Variants in SLC25A26 observed in about 807,000 individuals in gnomAD.
SLC25A26 encodes the protein mitochondrial S-adenosylmethionine carrier protein.
A neutral mutation model predicts 37.8 loss-of-function variants in SLC25A26; 36 were observed. That is an observed-to-expected ratio of 0.95 (90% CI 0.73 to 1.26). SLC25A26 has a LOEUF of 1.26. SLC25A26 is among the 50% of genes most tolerant of loss of function. SLC25A26 has a pLI of 0.00. For missense variants in SLC25A26, 390 were observed against 331.1 expected (o/e 1.18, Z -1.38); for synonymous variants, 129 against 122.5 (o/e 1.05, Z -0.35).
chr3:66,346,463 G>A, intron 6 of SLC25A26, 55 bp downstream of exon 6: 1 of 929,800 alleles, frequency 1.1e-6, no homozygotes, highest in Non-Finnish European at 1.6e-6. Flanking sequence ...ATACCTAATA[G>A]TTTGAGTGTG....
At chr3:66,282,837 A>C (rs916086917) in intron 5 of SLC25A26, among the ~76,000 whole-genome samples, 1 of 152,164 alleles carries the variant, frequency 6.6e-6, no homozygotes, top group African/African-American at 2.4e-5. Flanking sequence ...CTGCTAGCCG[A>C]TGCATACCCA....
chr3:66,209,347 GTA>G (rs1369496517), intron 1 of SLC25A26, among the ~76,000 whole-genome samples: 1 of 135,074 alleles, frequency 7.4e-6, no homozygotes, highest in African/African-American at 2.7e-5. Context: ...ATATACATAT[GTA>G]TATATATCTG....
chr3:66,170,798 T>C (rs1301049708), intron 1 of SLC25A26, among the ~76,000 whole-genome samples: 3 of 121,930 alleles, frequency 2.5e-5, no homozygotes, highest in Non-Finnish European at 5.2e-5. Flanking sequence ...ATTGTTTTTT[T>C]TTTTTTTTTT....
intron 1 of SLC25A26, among the ~76,000 whole-genome samples, chr3:66,169,913 A>G (rs1483902709): frequency 6.6e-6 from 1 of 152,206 alleles, no homozygotes; most frequent in Non-Finnish European, 1.5e-5. Context: ...AATTATATGT[A>G]TATTTTTCTG....
rs1364887590 is a variant in SLC25A26, at chr3:66,262,097, C to T, written c.347C>T (p.Ala116Val). ...RVPSEVVKQR[A>V]QVSASTRTFQ... ...CCATCTGAAGTGGTTAAGCAGAGGG[C>T]ACAGGTATCTGCTTCTACAAGAACA... Residue 116 changes from alanine (A) to valine (V), a missense_variant, in exon 4 of 10, where the codon GCA (alanine) becomes GTA (valine). Coordinates refer to ENST00000354883, the MANE Select transcript of SLC25A26 (RefSeq NM_001379210.1). 1.3e-6 allele frequency: 2 copies of T among 1,590,168 alleles called. No individual in the cohort carries two copies. Among genetic ancestry groups the T allele is most frequent in the African/African-American group, 1.3e-5 (1 of 74,474 alleles).
intron 6 of SLC25A26, among the ~76,000 whole-genome samples, chr3:66,353,022 C>T (rs1175193756): frequency 1.3e-5 from 2 of 152,218 alleles, no homozygotes; most frequent in East Asian, 1.9e-4. Context: ...TGAGCAGACA[C>T]TGTGTGCCAG....
chr3:66,305,269 A>AC (rs2107576486), intron 5 of SLC25A26, among the ~76,000 whole-genome samples: 1 of 152,332 alleles, frequency 6.6e-6, no homozygotes, highest in Admixed American at 6.5e-5. Flanking sequence ...TTTAAAGACA[A>AC]CAGGAGAACA....
chr3:66,233,059 C>G (rs2072108782), intron 1 of SLC25A26, among the ~76,000 whole-genome samples: 1 of 152,240 alleles, frequency 6.6e-6, no homozygotes, highest in African/African-American at 2.4e-5. Flanking sequence ...GCTGGCTCTT[C>G]TTAGCTGTCG....
chr3:66,369,590 G>A, intron 8 of SLC25A26, 48 bp downstream of exon 8: 1 of 1,446,090 alleles, frequency 6.9e-7, no homozygotes, highest in South Asian at 1.2e-5. Flanking sequence ...GCTCATATCT[G>A]TTAGCACTAG....
At chr3:66,364,318 T>A (rs2076777913) in intron 7 of SLC25A26, among the ~76,000 whole-genome samples, 1 of 152,194 alleles carries the variant, frequency 6.6e-6, no homozygotes, top group Non-Finnish European at 1.5e-5. Flanking sequence ...AGAAGGGAAC[T>A]TCCTATCAGA....
At chr3:66,356,169 A>G in intron 6 of SLC25A26, 1 of 440,428 alleles carries the variant, frequency 2.3e-6, no homozygotes, top group Non-Finnish European at 4.5e-6. Flanking sequence ...TGGGTCTTTT[A>G]AAAGTGAAAA....
intron 5 of SLC25A26, among the ~76,000 whole-genome samples, chr3:66,337,994 A>C (rs564961645): frequency 1.3e-5 from 2 of 152,072 alleles, no homozygotes; most frequent in South Asian, 4.1e-4. Flanking sequence ...TATCCTTATG[A>C]TATTGAATAT....
chr3:66,336,679 T>C (rs369435412), intron 5 of SLC25A26, among the ~76,000 whole-genome samples: 41 of 152,278 alleles, frequency 2.7e-4, no homozygotes, highest in African/African-American at 8.9e-4. Flanking sequence ...AAAAATGAAC[T>C]TCCTGGATTG....
chr3:66,284,578 A>G (rs1025424912), intron 5 of SLC25A26, among the ~76,000 whole-genome samples: 3 of 152,216 alleles, frequency 2.0e-5, no homozygotes, highest in Non-Finnish European at 4.4e-5. Flanking sequence ...ATGTTTCTCA[A>G]TATGAGAAAA....
rs907551042 is a variant in SLC25A26, at chr3:66,211,063, T to G, written c.-353-9679T>G. ...ACATGACCATGTCCTCTTGTAATTA[T>G]TTGGGGAATGGTGGCTATTTTGCTA... On this transcript the variant is annotated intron_variant, in intron 1 of 10. Transcript: ENST00000676754. 6.3e-3 allele frequency among the ~76,000 whole-genome samples: 959 copies of G among 152,328 alleles called. 14 individuals are homozygous for G. Among genetic ancestry groups the G allele is most frequent in the African/African-American group, 0.022 (910 of 41,576 alleles).
At chr3:66,195,831 G>A (rs1053026206) in intron 1 of SLC25A26, among the ~76,000 whole-genome samples, 1,599 of 152,218 alleles carry the variant, frequency 0.011, 31 homozygotes, top group African/African-American at 0.036. Context: ...ATTGATCTGG[G>A]GATAAAAATA....
At chr3:66,170,810 T>G (rs1313103705) in intron 1 of SLC25A26, among the ~76,000 whole-genome samples, 2 of 134,580 alleles carry the variant, frequency 1.5e-5, no homozygotes, top group South Asian at 2.6e-4. Context: ...TTTTTTTTTT[T>G]TTTTTTTTTT....
At chr3:66,268,257 C>A (rs1269612263) in intron 5 of SLC25A26, among the ~76,000 whole-genome samples, 2 of 152,158 alleles carry the variant, frequency 1.3e-5, no homozygotes, top group East Asian at 3.8e-4. Flanking sequence ...TGAATGTTTG[C>A]AGGTTACATA....
intron 5 of SLC25A26, among the ~76,000 whole-genome samples, chr3:66,308,802 T>G (rs2075298258): frequency 6.6e-6 from 1 of 152,232 alleles, no homozygotes; most frequent in Non-Finnish European, 1.5e-5. Context: ...TCATGTGATT[T>G]TTGTCATTGG....
Sources: allele counts gnomAD v4.1 joint callset (sites outside exome capture counted in the v4.1 genomes callset), GRCh38; gene constraint gnomAD v4.1.1; transcripts MANE v1.5; gene names NCBI Gene and HGNC (gene_info 2026-07-23, HGNC 2026-07-21).